The following OTUD7B variants were observed in gnomAD, a reference collection of about 807,000 sequenced individuals.
OTUD7B encodes the protein OTU domain-containing protein 7B.
OTUD7B carries 34 observed loss-of-function variants against 82.2 expected under a neutral mutation model. The observed-to-expected ratio is 0.41, with a 90% CI of 0.31 to 0.55. The LOEUF (loss-of-function observed/expected upper bound fraction) is 0.55. OTUD7B is among the 20% of genes least tolerant of loss of function. The probability of loss-of-function intolerance (pLI) is 0.20; values close to 1 mark genes in which losing one functional copy is unlikely to be tolerated. For synonymous variants in OTUD7B, 398 were observed against 402.7 expected (o/e 0.99, Z 0.14); for missense variants, 944 against 1,062.1 (o/e 0.89, Z 1.55).
In OTUD7B at chr1:149,980,298, C is replaced by T. The variant is rs140930676; in HGVS notation, c.-66-2722G>A. Among the ~76,000 whole-genome samples, 805 of 151,614 alleles carry T rather than the reference C, an allele frequency of 5.3e-3. 4 individuals carry two copies. The highest frequency in any genetic ancestry group is 9.5e-3 in the Non-Finnish European group (642 of 67,928). Reference sequence around the variant, plus strand: ...AGCACATTCTTACATTTGATGTCTCCAGGTGCATGCTGTGGACCCTGACCT... The same window carrying T: ...AGCACATTCTTACATTTGATGTCTCTAGGTGCATGCTGTGGACCCTGACCT... On this transcript the variant is annotated intron_variant, in intron 1 of 11. Coordinates refer to ENST00000581312, the MANE Select transcript of OTUD7B (RefSeq NM_020205.4).
chr1:150,002,514 G>A (rs1553785102), intron 1 of OTUD7B, among the ~76,000 whole-genome samples: 2 of 151,898 alleles, frequency 1.3e-5, no homozygotes, highest in African/African-American at 4.8e-5. Flanking sequence ...ATTCACTTTG[G>A]ACTGGTTAAA....
At chr1:150,035,633 T>C in the OTUD7B span, among the ~76,000 whole-genome samples, 3 of 152,174 alleles carry the variant, frequency 2.0e-5, no homozygotes, top group African/African-American at 7.2e-5. Context: ...GCAATAATAG[T>C]AGGTACTCAG....
At position 149,939,950 on chromosome 1, in the gene OTUD7B, A is replaced by C. The variant is rs1023264945; in HGVS notation, c.*3907T>G. On this transcript the variant is annotated 3_prime_UTR_variant, in exon 12 of 12. Transcript: ENST00000581312. ...TCTCAAACCAAAAAAAAAAGAAAGA[A>C]AGAAAAAGGAAAAAGAAAGAAGACT... 2 of 152,068 alleles carry C rather than the reference A, an allele frequency of 1.3e-5. No individual in the cohort carries two copies. Among genetic ancestry groups the C allele is most frequent in the Non-Finnish European group, 2.9e-5 (2 of 68,008 alleles). The allele number at this position is 152,068 out of a possible 1,614,324, so 9.4% of individuals were successfully genotyped here.
rs368495159 is a variant in OTUD7B, at chr1:149,944,228, C to G, written c.2161G>C (p.Val721Leu). The part of the protein sequence containing the change: ...PRRQLAGGPC[V>L]GGLPPYATFP... ...GTGGCATATGGTGGTAGGCCCCCGA[C>G]ACATGGACCCCCTGCCAACTGCCTC... Residue 721 changes from valine to leucine, a missense_variant, in exon 12 of 12, where the codon GTC becomes CTC. Physicochemically the swap from Val to Leu is conservative, Grantham distance 32. Coordinates refer to ENST00000581312, the MANE Select transcript of OTUD7B (RefSeq NM_020205.4). 69 of 1,612,716 alleles carry G rather than the reference C, an allele frequency of 4.3e-5. No homozygotes were observed. The highest frequency in any genetic ancestry group is 5.9e-5 in the Non-Finnish European group (69 of 1,179,208).
the OTUD7B span, chr1:150,054,511 CAAG>C: frequency 1.2e-5 from 6 of 480,532 alleles, no homozygotes; most frequent in Admixed American, 4.6e-5. Flanking sequence ...ATACTTACTT[CAAG>C]AAGAAGCTGC....
At chr1:149,979,451 T>C (rs782231555) in intron 1 of OTUD7B, among the ~76,000 whole-genome samples, 26 of 152,302 alleles carry the variant, frequency 1.7e-4, no homozygotes, top group Admixed American at 3.9e-4. Context: ...TCTTCTATAA[T>C]CTAGACTTGT....
the OTUD7B span, among the ~76,000 whole-genome samples, chr1:150,022,944 T>G: frequency 6.6e-6 from 1 of 152,214 alleles, no homozygotes; most frequent in Non-Finnish European, 1.5e-5. Context: ...TCATAGTGTT[T>G]GCCACCATTG....
chr1:150,013,240 G>A (rs1298022131), upstream of OTUD7B, among the ~76,000 whole-genome samples: 2 of 152,076 alleles, frequency 1.3e-5, no homozygotes, highest in African/African-American at 4.8e-5. Flanking sequence ...TTGTTTACTC[G>A]TCTTAGCAAT....
chr1:150,023,406 T>C, the OTUD7B span, among the ~76,000 whole-genome samples: 1 of 152,076 alleles, frequency 6.6e-6, no homozygotes, highest in Non-Finnish European at 1.5e-5. Flanking sequence ...CATCAGCATA[T>C]AAACAGACAC....
rs1263420208 is a variant in OTUD7B, at chr1:149,971,266, A to G, written c.86-15T>C. The G allele has an allele frequency of 6.3e-7, 1 of 1,590,432 alleles. No homozygotes were observed. Among genetic ancestry groups the G allele is most frequent in the Non-Finnish European group, 8.6e-7 (1 of 1,160,846 alleles). On this transcript the variant is annotated splice_polypyrimidine_tract_variant and intron_variant, in intron 2 of 11. Transcript: ENST00000581312. ...CCAATTCTTTCCTGTCAGGAGACAAAGCAAAAAGCAAACTGTGCAACCATA... is the reference window on the plus strand; with the variant it reads ...CCAATTCTTTCCTGTCAGGAGACAAGGCAAAAAGCAAACTGTGCAACCATA...
intron 7 of OTUD7B, among the ~76,000 whole-genome samples, chr1:149,958,650 A>G (rs1049716765): frequency 3.8e-4 from 58 of 152,090 alleles, no homozygotes; most frequent in African/African-American, 1.3e-3. Context: ...TACCATTAAT[A>G]TCACATTTTA....
chr1:150,030,326 C>G, the OTUD7B span, among the ~76,000 whole-genome samples: 2 of 152,112 alleles, frequency 1.3e-5, no homozygotes, highest in African/African-American at 4.8e-5. Flanking sequence ...ACAGCTGAAT[C>G]TATCCTTATC....
the OTUD7B span, among the ~76,000 whole-genome samples, chr1:150,022,802 T>G: frequency 6.6e-6 from 1 of 152,244 alleles, no homozygotes; most frequent in Non-Finnish European, 1.5e-5. Context: ...TCCAATGGTA[T>G]GTATTTTTAA....
rs201225347 is a variant in OTUD7B at position 149,944,207 on chromosome 1, C to T, written c.2182G>A (p.Ala728Thr). Residue 728 changes from alanine to threonine, a missense_variant, in exon 12 of 12, where the codon GCC (alanine) becomes ACC (threonine). This residue lies in a region of OTUD7B where 412 missense variants were observed against 418.7 expected (regional missense o/e 0.98). Transcript: ENST00000581312. ...GPCVGGLPPYATFPRQCPPGR... is the reference protein window; with the variant it reads ...GPCVGGLPPYTTFPRQCPPGR... ...GGAGGGCACTGTCTGGGGAAGGTGGCATATGGTGGTAGGCCCCCGACACAT... is the reference window on the plus strand; with the variant it reads ...GGAGGGCACTGTCTGGGGAAGGTGGTATATGGTGGTAGGCCCCCGACACAT... 507 of 1,613,466 alleles carry T rather than the reference C, an allele frequency of 3.1e-4. No homozygotes were observed. The highest frequency in any genetic ancestry group is 4.0e-4 in the Non-Finnish European group (470 of 1,179,588).
intron 1 of OTUD7B, among the ~76,000 whole-genome samples, chr1:149,990,905 C>T (rs587600966): frequency 3.4e-4 from 51 of 151,926 alleles, no homozygotes; most frequent in East Asian, 2.5e-3. Context: ...ACAGGAGAAT[C>T]GCTTGTACCT....
the OTUD7B span, among the ~76,000 whole-genome samples, chr1:150,047,407 A>G: frequency 2.6e-5 from 4 of 152,102 alleles, no homozygotes; most frequent in African/African-American, 9.7e-5. Context: ...GCTCTATAGA[A>G]CTTACTACCA....
chr1:150,011,257 T>C (rs1200897808), upstream of OTUD7B, among the ~76,000 whole-genome samples: 1 of 152,234 alleles, frequency 6.6e-6, no homozygotes, highest in African/African-American at 2.4e-5. Context: ...AGTGATACCC[T>C]GTTGATACAT....
chr1:150,026,532 T>C, the OTUD7B span, among the ~76,000 whole-genome samples: 2 of 152,172 alleles, frequency 1.3e-5, no homozygotes, highest in African/African-American at 4.8e-5. Flanking sequence ...TCAAGCATAA[T>C]ACCTCCGTCT....
At chr1:150,014,527 T>G (rs1653215414), upstream of OTUD7B, among the ~76,000 whole-genome samples, 1 of 152,064 alleles carries the variant, frequency 6.6e-6, no homozygotes, top group Admixed American at 6.5e-5. Flanking sequence ...ACAAAAAACT[T>G]ATACGTGAAT....
Sources: allele counts gnomAD v4.1 joint callset (sites outside exome capture counted in the v4.1 genomes callset), GRCh38; gene constraint gnomAD v4.1.1; regional missense constraint gnomAD v4.1.1; transcripts MANE v1.5; gene names NCBI Gene and HGNC (gene_info 2026-07-23, HGNC 2026-07-21).